JMJD1C: variants seen among roughly 807,000 people sequenced by gnomAD.
The protein encoded by JMJD1C is jumonji domain containing 1C, also known as jumonji domain-containing protein 1C.
Under a neutral mutation model 245.3 loss-of-function variants are expected in JMJD1C, and 31 were observed. The ratio of observed to expected loss-of-function variants is 0.13; its 90% CI spans 0.09 to 0.17. JMJD1C has a LOEUF of 0.17. Ranked by LOEUF, JMJD1C falls within the 10% of genes least tolerant of loss-of-function variation. The pLI, the probability that JMJD1C is intolerant of heterozygous loss-of-function variation, is 1.00. For synonymous variants in JMJD1C, 1,057 were observed against 1,017.4 expected (o/e 1.04, Z -0.74); for missense variants, 2,691 against 3,000.2 (o/e 0.90, Z 2.41).
chr10:63,500,790 T>TGGAC (rs1564973404), intron 1 of JMJD1C, among the ~76,000 whole-genome samples: 1 of 151,342 alleles, frequency 6.6e-6, no homozygotes, highest in Non-Finnish European at 1.5e-5. Context: ...GATGGATGGA[T>TGGAC]GGATGCACGG....
intron 2 of JMJD1C, among the ~76,000 whole-genome samples, chr10:63,278,302 A>G (rs1857014678): frequency 6.6e-6 from 1 of 151,504 alleles, no homozygotes; most frequent in South Asian, 2.1e-4. Flanking sequence ...CCTTACCAAC[A>G]TGGTAAAACC....
Position 63,450,013 on chromosome 10 carries a change from T to A in JMJD1C, c.168+15482A>T, listed in dbSNP as rs532647548. On this transcript the variant is annotated intron_variant, in intron 1 of 25. Coordinates refer to ENST00000399262, the MANE Select transcript of JMJD1C (RefSeq NM_032776.3). ...CTGTGGACCCAGTAACTTGGGAGGC[T>A]GAGATAGGAGGCTCACTTGGGCCCA... Among the ~76,000 whole-genome samples the A allele has an allele frequency of 4.6e-5, 7 of 152,140 alleles. No individual in the cohort carries two copies. The East Asian group carries it at 1.4e-3, about 29-fold the overall frequency.
intron 3 of JMJD1C, among the ~76,000 whole-genome samples, chr10:63,237,892 C>T (rs1158821514): frequency 6.6e-6 from 1 of 150,794 alleles, no homozygotes; most frequent in Admixed American, 6.6e-5. Context: ...AAAAGGCGGC[C>T]AGGCACAGTG....
rs1007022926 is a variant in JMJD1C, at chr10:63,214,624, C to G, written c.1543G>C (p.Asp515His). The G allele has an allele frequency of 6.2e-7, 1 of 1,613,956 alleles. No homozygotes were observed. Among genetic ancestry groups the G allele is most frequent in the Non-Finnish European group, 8.5e-7 (1 of 1,180,000 alleles). The part of the protein sequence containing the change: ...TPKCVIDITN[D>H]TNLEKVAQEN... ...TGAGCCACCTTTTCTAAATTAGTGT[C>G]ATTTGTAATATCAATAACACATTTT... Residue 515 changes from aspartate to histidine, a missense_variant, in exon 8 of 26, where the codon GAC becomes CAC. By Grantham distance (81) the Asp-to-His change is moderately conservative. This residue lies in a region of JMJD1C where 1,562 missense variants were observed against 1,490.7 expected (regional missense o/e 1.05). Coordinates refer to ENST00000399262, the MANE Select transcript of JMJD1C (RefSeq NM_032776.3).
chr10:63,447,960 A>G (rs1951811942), intron 1 of JMJD1C, among the ~76,000 whole-genome samples: 1 of 151,896 alleles, frequency 6.6e-6, no homozygotes, highest in African/African-American at 2.4e-5. Context: ...ATAAAAAGAG[A>G]GAGAGAAAGA....
At chr10:63,248,525 G>GATAA (rs1346800043) in intron 3 of JMJD1C, among the ~76,000 whole-genome samples, 3 of 75,690 alleles carry the variant, frequency 4.0e-5, no homozygotes, top group Admixed American at 2.8e-4. Flanking sequence ...CATCTCAATA[G>GATAA]ATAGATAAAT....
chr10:63,236,309 T>C (rs1438670276), intron 3 of JMJD1C, among the ~76,000 whole-genome samples: 3 of 152,176 alleles, frequency 2.0e-5, no homozygotes, highest in Admixed American at 1.3e-4. Context: ...TACAATTTGC[T>C]AAGTGTCATT....
In JMJD1C at chr10:63,314,809, A is replaced by C. The variant is rs577970113; in HGVS notation, c.334-50045T>G. Among the ~76,000 whole-genome samples, 8 of 152,110 alleles carry C rather than the reference A, an allele frequency of 5.3e-5. No individual in the cohort carries two copies. The South Asian group carries it at 1.7e-3, about 32-fold the overall frequency. On this transcript the variant is annotated intron_variant, in intron 2 of 25. Transcript: ENST00000399262. ...ATTATAGGCATGCACCACTACGCCT[A>C]GCCAATTTTTGTATTTTTAGTAGAG...
At chr10:63,261,411 T>C (rs1471646004) in intron 3 of JMJD1C, among the ~76,000 whole-genome samples, 2 of 151,972 alleles carry the variant, frequency 1.3e-5, no homozygotes, top group Admixed American at 1.3e-4. Context: ...CGAAAACCCA[T>C]CTCTACTGAA....
chr10:63,361,719 T>TAAAAAAAAAAAAAAAAAAAAAAAAAAA (rs55879769), intron 2 of JMJD1C, among the ~76,000 whole-genome samples: 1 of 95,606 alleles, frequency 1.0e-5, no homozygotes, highest in African/African-American at 4.4e-5. Context: ...CTGTCTCAAC[T>TAAAAAAAAAAAAAAAAAAAAAAAAAAA]AAAAAAAAAA....
In JMJD1C at chr10:63,217,191, T is replaced by C. The variant is rs372034208; in HGVS notation, c.678+16A>G. On this transcript the variant is annotated intron_variant, in intron 5 of 25. Transcript: ENST00000399262. Reference sequence around the variant, plus strand: ...ACTTTTAAAATCTCTATAAAAATATTAGTGGAACTATTTACCTGATCATTC... The same window carrying C: ...ACTTTTAAAATCTCTATAAAAATATCAGTGGAACTATTTACCTGATCATTC... 20 of 1,595,562 alleles carry C rather than the reference T, an allele frequency of 1.3e-5. No homozygotes were observed. The East Asian group carries it at 4.5e-4, about 36-fold the overall frequency.
At position 63,177,773 on chromosome 10, in the gene JMJD1C, G is replaced by A. The variant is rs767321856; in HGVS notation, c.7168C>T (p.Leu2390=). 2 of 1,613,928 alleles carry A rather than the reference G, an allele frequency of 1.2e-6. No homozygotes were observed. The highest frequency in any genetic ancestry group is 2.2e-5 in the South Asian group (2 of 91,076). Residue 2390 remains leucine (L), a synonymous_variant, in exon 23 of 26, where the codon CTG becomes TTG. Transcript: ENST00000399262. ...TCTTTCCCAGCATAAATATGCCACA[G>A]AGCACCAGGTATTTCACTTGAGTCC... ...LKDSSEIPGA[L]WHIYAGKDVD...
chr10:63,317,066 G>T (rs1008216826), intron 2 of JMJD1C, among the ~76,000 whole-genome samples: 1 of 151,958 alleles, frequency 6.6e-6, no homozygotes, highest in Non-Finnish European at 1.5e-5. Context: ...TGCCATGTTG[G>T]CCAGGCTGGT....
chr10:63,202,682 C>T (rs1846160656), intron 10 of JMJD1C: 2 of 985,388 alleles, frequency 2.0e-6, no homozygotes, highest in Middle Eastern at 5.2e-4. Flanking sequence ...ATGTGTATAA[C>T]CACACACCAC....
intron 2 of JMJD1C, among the ~76,000 whole-genome samples, chr10:63,337,806 G>A (rs1942990326): frequency 6.6e-6 from 1 of 151,814 alleles, no homozygotes; most frequent in Admixed American, 6.6e-5. Flanking sequence ...TTCTCCCAGA[G>A]GTAAGGTATA....
upstream of JMJD1C, among the ~76,000 whole-genome samples, chr10:63,469,688 T>A (rs1392493708): frequency 6.6e-6 from 1 of 152,182 alleles, no homozygotes; most frequent in African/African-American, 2.4e-5. Context: ...ATTTAATGCA[T>A]TTTAACAAAT....
intron 1 of JMJD1C, among the ~76,000 whole-genome samples, chr10:63,480,457 A>G (rs954118430): frequency 3.9e-5 from 6 of 151,966 alleles, no homozygotes; most frequent in African/African-American, 2.4e-5. Flanking sequence ...CACTGGGATC[A>G]TAAGAATGAC....
chr10:63,514,757 T>A (rs1954967572), intron 1 of JMJD1C, among the ~76,000 whole-genome samples: 1 of 152,030 alleles, frequency 6.6e-6, no homozygotes, highest in South Asian at 2.1e-4. Flanking sequence ...CACACACATG[T>A]ACCCCAGAAT....
chr10:63,422,490 T>G (rs1950181256), intron 1 of JMJD1C, among the ~76,000 whole-genome samples: 1 of 152,222 alleles, frequency 6.6e-6, no homozygotes, highest in Non-Finnish European at 1.5e-5. Flanking sequence ...TTTTCACACT[T>G]CTGCTTACAA....
Sources: gnomAD v4.1 joint callset for allele counts (sites outside exome capture counted in the v4.1 genomes callset) on GRCh38, gnomAD v4.1.1 for gene constraint, gnomAD v4.1.1 regional missense constraint, MANE v1.5 for transcripts, NCBI Gene and HGNC (gene_info 2026-07-23, HGNC 2026-07-21) for gene names.